PGR: variants seen among roughly 807,000 people sequenced by gnomAD.
PGR encodes the protein nuclear receptor subfamily 3 group C member 3.
A neutral mutation model predicts 76.1 loss-of-function variants in PGR; 25 were observed. The ratio of observed to expected loss-of-function variants is 0.33; its 90% CI spans 0.24 to 0.46. The LOEUF (loss-of-function observed/expected upper bound fraction) is 0.46. Among genes scored for constraint, PGR ranks in the 20% least tolerant of loss-of-function variants. The pLI is 1.00. For synonymous variants in PGR, 579 were observed against 535.0 expected, an observed-to-expected ratio of 1.08 and a Z score of -1.14; for missense variants, 1,172 against 1,225.3, an observed-to-expected ratio of 0.96 and a Z score of 0.65.
chr11:101,101,241 CATTGAATAT>C (rs1861988260), intron 2 of PGR, among the ~76,000 whole-genome samples: 1 of 151,976 alleles, frequency 6.6e-6, no homozygotes, highest in Non-Finnish European at 1.5e-5. Flanking sequence ...AATTAAAACA[CATTGAATAT>C]ATATTTTAAA....
chr11:101,093,750 C>T (rs529229203), intron 2 of PGR, among the ~76,000 whole-genome samples: 7 of 152,296 alleles, frequency 4.6e-5, no homozygotes, highest in South Asian at 4.1e-4. Context: ...TGAGCCACCA[C>T]GCCCACCAAG....
intron 3 of PGR, among the ~76,000 whole-genome samples, chr11:101,065,876 G>T (rs1021572434): frequency 6.6e-6 from 1 of 152,046 alleles, no homozygotes; most frequent in African/African-American, 2.4e-5. Flanking sequence ...GATTGAATCA[G>T]AAGCAGAGGT....
At chr11:101,077,945 G>T (rs2135434761) in intron 3 of PGR, among the ~76,000 whole-genome samples, 1 of 152,252 alleles carries the variant, frequency 6.6e-6, no homozygotes, top group Non-Finnish European at 1.5e-5. Flanking sequence ...GCCTTAAAGA[G>T]GAAAAATGAT....
rs1424942996 is a variant in PGR, at chr11:101,037,104, G to T, written c.*2012C>A. 1 of 195,768 alleles carries T rather than the reference G, an allele frequency of 5.1e-6. No individual in the cohort carries two copies. Among genetic ancestry groups the T allele is most frequent in the Non-Finnish European group, 1.1e-5 (1 of 94,316 alleles). The allele number at this position is 195,768 out of a possible 1,614,324, so 12.1% of individuals were successfully genotyped here. On this transcript the variant is annotated 3_prime_UTR_variant, in exon 8 of 8. Coordinates refer to ENST00000325455, the MANE Select transcript of PGR (RefSeq NM_000926.4). The stretch of plus-strand genomic sequence containing the variant: ...GATGTTAAAAATACTTTTTTCTTGG[G>T]ATGACATTTGTGGGGAAAATATATT...
chr11:101,102,070 A>G (rs938459542), intron 2 of PGR, among the ~76,000 whole-genome samples: 2 of 152,116 alleles, frequency 1.3e-5, no homozygotes, highest in African/African-American at 4.8e-5. Flanking sequence ...GCTGGCCTAG[A>G]CTCCCAAAAA....
chr11:101,068,654 T>C (rs980872204), intron 3 of PGR, among the ~76,000 whole-genome samples: 1 of 152,134 alleles, frequency 6.6e-6, no homozygotes, highest in Non-Finnish European at 1.5e-5. Context: ...AGCATGGTAC[T>C]GGTACCCAAA....
At chr11:101,117,160 C>A (rs7928851) in intron 2 of PGR, among the ~76,000 whole-genome samples, 2,455 of 152,166 alleles carry the variant, frequency 0.016, 58 homozygotes, top group African/African-American at 0.057. Context: ...ATTGACAATA[C>A]CAAACTATCT....
At chr11:101,091,705 A>G in intron 3 of PGR, 55 bp downstream of exon 3, 1 of 937,008 alleles carries the variant, frequency 1.1e-6, no homozygotes, top group Non-Finnish European at 1.8e-6. Context: ...TCTGACACAC[A>G]GTTTTATAGT....
chr11:101,081,258 A>G (rs1399128027), intron 3 of PGR, among the ~76,000 whole-genome samples: 3 of 151,692 alleles, frequency 2.0e-5, no homozygotes, highest in African/African-American at 4.8e-5. Flanking sequence ...TGAAACCCTG[A>G]CTCTACTAAA....
intron 5 of PGR, among the ~76,000 whole-genome samples, chr11:101,050,585 CAAAGTT>C (rs911502569): frequency 3.4e-4 from 51 of 152,120 alleles, no homozygotes; most frequent in African/African-American, 1.2e-3. Context: ...AATTAATTGA[CAAAGTT>C]AAACACAAGT....
rs757679709 is a variant in PGR, at chr11:101,129,045, G to C, written c.26C>G (p.Pro9Arg). 2 of 1,560,116 alleles carry C rather than the reference G, an allele frequency of 1.3e-6. No individual in the cohort carries two copies. Among genetic ancestry groups the C allele is most frequent in the African/African-American group, 1.4e-5 (1 of 73,796 alleles). ...GCCGCCCGCCACGTGGGGAGCCCGG[G>C]GACCCTTTGCCTTCAGCTCAGTCAT... MTELKAKG[P>R]RAPHVAGGPP... The change falls in exon 1 of 8, where the codon CCC becomes CGC. Residue 9 changes from proline to arginine, a missense_variant. Physicochemically the swap from Pro to Arg is moderately radical, Grantham distance 103. Around this residue, in one of 4 missense-constraint regions of PGR, gnomAD observed 893 missense variants for 785.9 expected, o/e 1.14. Transcript: ENST00000325455.
At chr11:101,041,285 C>A (rs546763) in intron 7 of PGR, among the ~76,000 whole-genome samples, 42,936 of 151,608 alleles carry the variant, frequency 0.28, 6,440 homozygotes, top group African/African-American at 0.39. Flanking sequence ...CTTTTTTATG[C>A]CTTCACTGTC....
intron 3 of PGR, among the ~76,000 whole-genome samples, chr11:101,087,729 T>C (rs994492005): frequency 7.2e-6 from 1 of 138,140 alleles, no homozygotes; most frequent in Admixed American, 7.3e-5. Flanking sequence ...CTTAAACAGT[T>C]GAACAAGCAA....
intron 3 of PGR, among the ~76,000 whole-genome samples, chr11:101,078,330 A>G (rs1485498853): frequency 6.6e-6 from 1 of 152,230 alleles, no homozygotes; most frequent in Non-Finnish European, 1.5e-5. Flanking sequence ...GATTTAAAAA[A>G]TTTCAAAGAA....
intron 2 of PGR, among the ~76,000 whole-genome samples, chr11:101,113,157 G>T (rs1277610304): frequency 6.6e-6 from 1 of 152,062 alleles, no homozygotes; most frequent in Non-Finnish European, 1.5e-5. Context: ...TTTTCAAAAT[G>T]CTATCTACAA....
Position 101,036,378 on chromosome 11 carries a change from C to A in PGR, c.*2738G>T, listed in dbSNP as rs1859515177. On this transcript the variant is annotated 3_prime_UTR_variant, in exon 8 of 8. Transcript: ENST00000325455. ...GGTATAATGCTTTAGACTCAAATGG[C>A]TTTTCAAACCTTTTTACAGAAAATA... is the stretch of plus-strand genomic sequence containing the variant. 4.9e-6 allele frequency: 1 copy of A among 205,578 alleles called. No individual in the cohort carries two copies. Among genetic ancestry groups the A allele is most frequent in the Non-Finnish European group, 9.9e-6 (1 of 100,602 alleles). 12.7% of individuals were successfully genotyped at this position (205,578 alleles called of 1,614,324 possible).
At position 101,056,642 on chromosome 11, in the gene PGR, G is replaced by GAAA. The variant is rs200810746; in HGVS notation, c.2213-5077_2213-5075dup. Reference sequence around the variant, plus strand: ...GTGACAGAGTGAGAGCCTATCTCAAGAAAAAAAAAAAAAAAAAAGATGGCC... The same window carrying GAAA: ...GTGACAGAGTGAGAGCCTATCTCAAGAAAAAAAAAAAAAAAAAAAAAGATGGCC... On this transcript the variant is annotated intron_variant, in intron 4 of 7. Coordinates refer to ENST00000325455, the MANE Select transcript of PGR (RefSeq NM_000926.4). Among the ~76,000 whole-genome samples, 84 of 120,936 alleles carry GAAA rather than the reference G, an allele frequency of 6.9e-4. 2 individuals are homozygous for GAAA. The highest frequency in any genetic ancestry group is 4.1e-3 in the East Asian group (17 of 4,124). The allele number at this position is 120,936 out of a possible 152,430, so 79.3% of individuals were successfully genotyped here.
chr11:101,076,165 G>T (rs1861122318), intron 3 of PGR, among the ~76,000 whole-genome samples: 1 of 152,114 alleles, frequency 6.6e-6, no homozygotes, highest in Admixed American at 6.6e-5. Context: ...CATGTCCTTT[G>T]CAGGGACATG....
chr11:101,072,742 T>C (rs183476999), intron 3 of PGR, among the ~76,000 whole-genome samples: 2 of 152,246 alleles, frequency 1.3e-5, no homozygotes, highest in Admixed American at 6.5e-5. Flanking sequence ...CATTACATAA[T>C]GGTAAAGGGA....
Sources: gnomAD v4.1 joint callset for allele counts (sites outside exome capture counted in the v4.1 genomes callset) on GRCh38, gnomAD v4.1.1 for gene constraint, gnomAD v4.1.1 regional missense constraint, MANE v1.5 for transcripts, NCBI Gene and HGNC (gene_info 2026-07-23, HGNC 2026-07-21) for gene names.